The following TTC27 variants were observed in gnomAD, a reference collection of about 807,000 sequenced individuals.
TTC27 encodes tetratricopeptide repeat domain 27.
In TTC27, 79 loss-of-function variants were observed where a neutral mutation model predicts 115.9. The observed-to-expected ratio is 0.68, with a 90% CI of 0.57 to 0.82. The LOEUF (loss-of-function observed/expected upper bound fraction) is 0.82, where lower values mean the gene tolerates loss of function less well. Ranked by LOEUF, TTC27 falls within the 40% of genes least tolerant of loss-of-function variation. The pLI, the probability that TTC27 is intolerant of heterozygous loss-of-function variation, is 0.00. For missense variants in TTC27, 1,054 were observed against 993.1 expected, an observed-to-expected ratio of 1.06 and a Z score of -0.82; for synonymous variants, 401 against 356.0, an observed-to-expected ratio of 1.13 and a Z score of -1.42.
chr2:32,810,347 T>C (rs1419478218), intron 16 of TTC27, among the ~76,000 whole-genome samples: 1 of 152,214 alleles, frequency 6.6e-6, no homozygotes, highest in Non-Finnish European at 1.5e-5. Flanking sequence ...TTCAACAACG[T>C]TGTTTTCAAT....
At chr2:32,765,336 C>G (rs1272441205) in intron 13 of TTC27, among the ~76,000 whole-genome samples, 3 of 149,782 alleles carry the variant, frequency 2.0e-5, no homozygotes, top group Non-Finnish European at 4.4e-5. Flanking sequence ...TGTCAATGAT[C>G]AGTAATATTT....
intron 16 of TTC27, among the ~76,000 whole-genome samples, chr2:32,797,796 A>T (rs935326343): frequency 6.6e-6 from 1 of 152,246 alleles, no homozygotes; most frequent in African/African-American, 2.4e-5. Flanking sequence ...TTTGTGCACC[A>T]AAAACAGTAT....
intron 16 of TTC27, among the ~76,000 whole-genome samples, chr2:32,798,704 C>CAAA (rs1168987401): frequency 9.9e-5 from 12 of 121,158 alleles, no homozygotes; most frequent in African/African-American, 1.4e-4. Context: ...GACTCCAGCT[C>CAAA]AAAAAAAAAA....
rs747587722 is a variant in TTC27, at chr2:32,786,969, T to A, written c.1833-15T>A. 14 of 1,594,162 alleles carry A rather than the reference T, an allele frequency of 8.8e-6. No individual in the cohort carries two copies. Among genetic ancestry groups the A allele is most frequent in the Non-Finnish European group, 1.2e-5 (14 of 1,174,262 alleles). ...GAGTTCATTATTGCTCTCTTTAAAATTTGACCTTCAATAGAGTAAAAGCTT... is the reference window on the plus strand; with the variant it reads ...GAGTTCATTATTGCTCTCTTTAAAAATTGACCTTCAATAGAGTAAAAGCTT... On this transcript the variant is annotated splice_polypyrimidine_tract_variant and intron_variant, in intron 15 of 19. Coordinates refer to ENST00000317907, the MANE Select transcript of TTC27 (RefSeq NM_017735.5).
intron 10 of TTC27, among the ~76,000 whole-genome samples, chr2:32,728,251 C>A (rs957178148): frequency 6.6e-6 from 1 of 152,064 alleles, no homozygotes; most frequent in Non-Finnish European, 1.5e-5. Context: ...CCCTGTTAGC[C>A]AGGATGGTCT....
chr2:32,644,205 A>T (rs1664760727), intron 4 of TTC27, among the ~76,000 whole-genome samples: 1 of 144,770 alleles, frequency 6.9e-6, no homozygotes, highest in Admixed American at 6.9e-5. Context: ...AAAAAAAATT[A>T]GCCAGGCATG....
At chr2:32,718,565 C>G (rs904600845) in intron 10 of TTC27, among the ~76,000 whole-genome samples, 2 of 151,594 alleles carry the variant, frequency 1.3e-5, no homozygotes, top group Non-Finnish European at 2.9e-5. Flanking sequence ...CAGGTATGAC[C>G]TGTCTTATAT....
chr2:32,733,720 T>G (rs577806487), intron 10 of TTC27, 108 bp from the exon 11 acceptor site: 9 of 592,686 alleles, frequency 1.5e-5, no homozygotes, highest in South Asian at 3.9e-5. Flanking sequence ...TCAAAATGAC[T>G]TAAGTTCTTT....
chr2:32,687,887 T>G (rs1666688046), intron 9 of TTC27, among the ~76,000 whole-genome samples: 1 of 152,184 alleles, frequency 6.6e-6, no homozygotes, highest in African/African-American at 2.4e-5. Flanking sequence ...TGTCAGCAAT[T>G]GTTAGAACAA....
At chr2:32,634,095 A>G in intron 3 of TTC27, 90 bp downstream of exon 3, 1 of 1,399,118 alleles carries the variant, frequency 7.1e-7, no homozygotes, top group South Asian at 1.4e-5. Flanking sequence ...CATAGTAGGA[A>G]AGAAACATGA....
chr2:32,732,829 C>A (rs965332007), intron 10 of TTC27, among the ~76,000 whole-genome samples: 1 of 151,956 alleles, frequency 6.6e-6, no homozygotes, highest in Non-Finnish European at 1.5e-5. Context: ...ACCGTCTAAT[C>A]CTCATAAGAG....
rs770491379 is a variant in TTC27, at chr2:32,786,975, C to G, written c.1833-9C>G. 8.8e-6 allele frequency: 14 copies of G among 1,599,316 alleles called. No homozygotes were observed. In the African/African-American group the frequency reaches 1.8e-4, roughly 20 times the overall value. ...ATTATTGCTCTCTTTAAAATTTGAC[C>G]TTCAATAGAGTAAAAGCTTTTAGAA... On this transcript the variant is annotated splice_polypyrimidine_tract_variant and intron_variant, in intron 15 of 19. Transcript: ENST00000317907.
At chr2:32,747,676 A>G (rs1440433875) in intron 12 of TTC27, among the ~76,000 whole-genome samples, 1 of 152,150 alleles carries the variant, frequency 6.6e-6, no homozygotes, top group Admixed American at 6.5e-5. Flanking sequence ...ACTCTGGTAA[A>G]TCATCACAAT....
At position 32,815,223 on chromosome 2, in the gene TTC27, A is replaced by ATTTTTTTTTTTTTTTTTTT. The variant is rs533493768; in HGVS notation, c.2309-2221_2309-2203dup. 2.3e-4 allele frequency among the ~76,000 whole-genome samples: 13 copies of ATTTTTTTTTTTTTTTTTTT among 55,512 alleles called. 3 individuals are homozygous for ATTTTTTTTTTTTTTTTTTT. The highest frequency in any genetic ancestry group is 5.3e-4 in the Admixed American group (2 of 3,754). 36.4% of individuals were successfully genotyped at this position (55,512 alleles called of 152,430 possible). Reference sequence around the variant, plus strand: ...CATAGAGGAGGCACTGCTGCTTCAGATTTTTTTTTTTTTTTTTTTTTTTTT... The same window carrying ATTTTTTTTTTTTTTTTTTT: ...CATAGAGGAGGCACTGCTGCTTCAGATTTTTTTTTTTTTTTTTTTTTTTTTTTTTTTTTTTTTTTTTTTT... On this transcript the variant is annotated intron_variant, in intron 18 of 19. Transcript: ENST00000317907.
chr2:32,780,516 G>A (rs1670139795), intron 14 of TTC27, among the ~76,000 whole-genome samples: 2 of 152,004 alleles, frequency 1.3e-5, no homozygotes, highest in East Asian at 1.9e-4. Context: ...CTCGGCCTAC[G>A]GCAACCTCCG....
intron 16 of TTC27, among the ~76,000 whole-genome samples, chr2:32,807,419 G>T (rs545915851): frequency 6.6e-6 from 1 of 152,046 alleles, no homozygotes; most frequent in South Asian, 2.1e-4. Flanking sequence ...TTACTATATT[G>T]CTGTTATTTT....
chr2:32,732,717 T>G (rs1291537865), intron 10 of TTC27, among the ~76,000 whole-genome samples: 1 of 152,212 alleles, frequency 6.6e-6, no homozygotes, highest in Non-Finnish European at 1.5e-5. Flanking sequence ...GGAGAGTAAG[T>G]TGCCAACATG....
intron 15 of TTC27, among the ~76,000 whole-genome samples, chr2:32,786,265 G>A (rs2148021104): frequency 6.6e-6 from 1 of 152,184 alleles, no homozygotes; most frequent in African/African-American, 2.4e-5. Flanking sequence ...GGGATTACAG[G>A]CACATGCCAC....
chr2:32,756,025 A>G lies in TTC27; in HGVS notation c.1453-2267A>G, dbSNP rs1669221062. Among the ~76,000 whole-genome samples the G allele has an allele frequency of 3.9e-5, 6 of 152,340 alleles. No homozygotes were observed. In the South Asian group the frequency reaches 1.2e-3, roughly 32 times the overall value. On this transcript the variant is annotated intron_variant, in intron 12 of 19. Transcript: ENST00000317907. ...TGTTTAACCCTCTTATGATCACTGC[A>G]GCCTTTCTGTCTTCAAACCCAACCA...
Sources: allele counts gnomAD v4.1 joint callset (sites outside exome capture counted in the v4.1 genomes callset), GRCh38; gene constraint gnomAD v4.1.1; transcripts MANE v1.5; gene names NCBI Gene and HGNC (gene_info 2026-07-23, HGNC 2026-07-21).